The following TPH1 variants were observed in gnomAD, a reference collection of about 807,000 sequenced individuals.
TPH1 encodes the protein tryptophan hydroxylase 1, also known as tryptophan 5-hydroxylase 1.
TPH1 carries 37 observed loss-of-function variants against 49.5 expected under a neutral mutation model. That is an observed-to-expected ratio of 0.75 (90% CI 0.58 to 0.98). The LOEUF (loss-of-function observed/expected upper bound fraction) is 0.98. TPH1 is among the 50% of genes least tolerant of loss of function. TPH1 has a pLI of 0.00. For missense variants in TPH1, 487 were observed against 523.6 expected (o/e 0.93, Z 0.68); for synonymous variants, 160 against 182.1 (o/e 0.88, Z 0.98).
At chr11:18,033,897 T>G (rs1317937923) in intron 3 of TPH1, among the ~76,000 whole-genome samples, 1 of 152,146 alleles carries the variant, frequency 6.6e-6, no homozygotes, top group Non-Finnish European at 1.5e-5. Context: ...CCACTCCCAT[T>G]CCCTGCCCCA....
intron 7 of TPH1, among the ~76,000 whole-genome samples, 159 bp downstream of exon 7, chr11:18,026,331 A>G (rs1847928181): frequency 7.6e-6 from 1 of 132,288 alleles, no homozygotes; most frequent in South Asian, 2.4e-4. Flanking sequence ...TGGAACATGT[A>G]TTTCATGCCA....
intron 4 of TPH1, among the ~76,000 whole-genome samples, chr11:18,030,159 A>G (rs978837951): frequency 6.6e-6 from 1 of 152,186 alleles, no homozygotes; most frequent in African/African-American, 2.4e-5. Context: ...CTGTAATCTC[A>G]ACACTTTGGG....
chr11:18,041,360 T>C (rs1449367957), intron 1 of TPH1: 1 of 152,842 alleles, frequency 6.5e-6, no homozygotes, highest in African/African-American at 2.4e-5. Context: ...ACCAGAGATC[T>C]ACTTTGGTAT....
At chr11:18,028,452 G>T (rs1186871288) in intron 6 of TPH1, among the ~76,000 whole-genome samples, 1 of 152,070 alleles carries the variant, frequency 6.6e-6, no homozygotes, top group Non-Finnish European at 1.5e-5. Flanking sequence ...TCTATTCTAG[G>T]CCAAAAGCTT....
Position 18,020,208 on chromosome 11 carries a change from G to C in TPH1, c.*783C>G, listed in dbSNP as rs1213397898. The stretch of plus-strand genomic sequence containing the variant: ...CTTGGACCCATGAGTAGGATAGATA[G>C]TCCAGAATAAAACCAGTATCGTGTG... On this transcript the variant is annotated 3_prime_UTR_variant, in exon 11 of 11. Transcript: ENST00000682019. 1 of 155,150 alleles carries C rather than the reference G, an allele frequency of 6.4e-6. No individual in the cohort carries two copies. Among genetic ancestry groups the C allele is most frequent in the Non-Finnish European group, 1.4e-5 (1 of 70,048 alleles). The allele number at this position is 155,150 out of a possible 1,614,324, so 9.6% of individuals were successfully genotyped here. A position where few individuals can be genotyped will look rare whatever the true frequency, so the allele number is the denominator to read the frequency against.
At chr11:18,036,259 G>A in intron 2 of TPH1, 117 bp from the exon 3 acceptor site, 1 of 752,616 alleles carries the variant, frequency 1.3e-6, no homozygotes, top group Non-Finnish European at 2.2e-6. Flanking sequence ...ACAGCAAAGG[G>A]AAAAAGACTG....
In TPH1 at chr11:18,036,082, AT is replaced by A; in HGVS notation, c.177del (p.Glu59AspfsTer15). 6.2e-7 allele frequency: 1 copy of A among 1,613,410 alleles called. No homozygotes were observed. Among genetic ancestry groups the A allele is most frequent in the East Asian group, 2.2e-5 (1 of 44,812 alleles). On this transcript the variant is annotated frameshift_variant, in exon 3 of 11. Transcript: ENST00000682019. LOFTEE classifies it high-confidence loss of function. ...ESRKSKRRNSEFEIFVDCDIN... is the reference protein window; with the variant it reads ...ESRKSKRRNSXFEIFVDCDIN... The stretch of plus-strand genomic sequence containing the variant: ...ATGTCACAGTCAACAAAAATCTCAA[AT>A]TCTGAGTTTCTTCTTTTTGATTTTC...
intron 6 of TPH1, among the ~76,000 whole-genome samples, chr11:18,028,059 G>A (rs1353807574): frequency 6.6e-6 from 1 of 152,100 alleles, no homozygotes; most frequent in Non-Finnish European, 1.5e-5. Context: ...CTCCACTATG[G>A]TAATCTGCTG....
intron 1 of TPH1, among the ~76,000 whole-genome samples, 94 bp downstream of exon 1, chr11:18,046,147 G>A (rs1848139069): frequency 1.3e-5 from 2 of 152,178 alleles, no homozygotes; most frequent in African/African-American, 2.4e-5. Flanking sequence ...TTTACCTCCC[G>A]GGAGGGTGAC....
rs937940822 is a variant in TPH1 at position 18,018,416 on chromosome 11, C to G, written c.*2575G>C. ...GTGCAGTGGCTCACGCCTGTAATCC[C>G]AGCACTTTGGGAGGCCGAGGTGGGC... is the stretch of plus-strand genomic sequence containing the variant. On this transcript the variant is annotated 3_prime_UTR_variant, in exon 11 of 11. Coordinates refer to ENST00000682019, the MANE Select transcript of TPH1 (RefSeq NM_004179.3). 1.3e-5 allele frequency: 2 copies of G among 151,882 alleles called. No homozygotes were observed. The highest frequency in any genetic ancestry group is 3.9e-4 in the East Asian group (2 of 5,176). 9.4% of individuals were successfully genotyped at this position (151,882 alleles called of 1,614,324 possible).
At chr11:18,031,215 C>T (rs1209454426) in intron 4 of TPH1, among the ~76,000 whole-genome samples, 7 of 152,114 alleles carry the variant, frequency 4.6e-5, no homozygotes, top group Non-Finnish European at 8.8e-5. Flanking sequence ...AGGAATCATA[C>T]AATATGGGAC....
intron 10 of TPH1, among the ~76,000 whole-genome samples, chr11:18,021,541 A>C (rs58719050): frequency 0.026 from 4,001 of 152,234 alleles, 148 homozygotes; most frequent in African/African-American, 0.091. Context: ...TTTCATTACA[A>C]CACTTAACCA....
rs1194111800 is a variant in TPH1 at position 18,021,077 on chromosome 11, T to C, written c.1249A>G (p.Ile417Val). 1.2e-6 allele frequency: 2 copies of C among 1,614,056 alleles called. No homozygotes were observed. The highest frequency in any genetic ancestry group is 2.2e-5 in the East Asian group (1 of 44,890). The part of the protein sequence containing the change: ...SIQILKDTKS[I>V]TSAMNELQHD... ...TGCAGCTCATTCATGGCACTGGTTA[T>C]GCTCTTGGTGTCTTTCAGGATCTGA... Residue 417 changes from isoleucine (I) to valine (V), a missense_variant, in exon 11 of 11, where the codon ATA becomes GTA. Coordinates refer to ENST00000682019, the MANE Select transcript of TPH1 (RefSeq NM_004179.3).
chr11:18,032,639 A>G (rs963959442), intron 4 of TPH1, among the ~76,000 whole-genome samples: 5 of 132,824 alleles, frequency 3.8e-5, no homozygotes, highest in South Asian at 2.4e-4. Context: ...TCCACCTCCC[A>G]GGTTCACGCC....
chr11:18,026,006 C>G (rs1434284496), intron 7 of TPH1, among the ~76,000 whole-genome samples: 1 of 152,008 alleles, frequency 6.6e-6, no homozygotes, highest in African/African-American at 2.4e-5. Flanking sequence ...TCAGATATCA[C>G]CTTCTCAGCA....
At chr11:18,028,123 C>A (rs569404953) in intron 6 of TPH1, among the ~76,000 whole-genome samples, 21 of 152,110 alleles carry the variant, frequency 1.4e-4, no homozygotes, top group African/African-American at 5.1e-4. Flanking sequence ...TATTGTAAAC[C>A]CTTGAAGATA....
chr11:18,042,550 TG>T lies in TPH1; in HGVS notation c.-26-1763del, dbSNP rs372792881. 8.4e-5 allele frequency: 23 copies of T among 272,928 alleles called. No homozygotes were observed. The East Asian group carries it at 2.4e-3, about 28-fold the overall frequency. The allele number at this position is 272,928 out of a possible 1,614,324, so 16.9% of individuals were successfully genotyped here. ...CTTTATATGTATCAACCTCTTTATT[TG>T]CAAACTTGGAGGGAGGATAATTAAC... is the stretch of plus-strand genomic sequence containing the variant. On this transcript the variant is annotated intron_variant, in intron 1 of 10. Transcript: ENST00000682019.
At chr11:18,032,514 G>C (rs1039780617) in intron 4 of TPH1, among the ~76,000 whole-genome samples, 1 of 150,610 alleles carries the variant, frequency 6.6e-6, no homozygotes, top group Non-Finnish European at 1.5e-5. Context: ...CCAATATGGA[G>C]GTCTACTAAC....
At position 18,018,742 on chromosome 11, in the gene TPH1, G is replaced by A. The variant is rs1042428983; in HGVS notation, c.*2249C>T. On this transcript the variant is annotated 3_prime_UTR_variant, in exon 11 of 11. Coordinates refer to ENST00000682019, the MANE Select transcript of TPH1 (RefSeq NM_004179.3). ...TTCTGAAGTTGTGGATTATAAGGCTGTGCCTTTAACATTTATTCTCATGTG... is the reference window on the plus strand; with the variant it reads ...TTCTGAAGTTGTGGATTATAAGGCTATGCCTTTAACATTTATTCTCATGTG... 1 of 140,144 alleles carries A rather than the reference G, an allele frequency of 7.1e-6. No individual in the cohort carries two copies. Among genetic ancestry groups the A allele is most frequent in the Non-Finnish European group, 1.5e-5 (1 of 66,170 alleles). The allele number at this position is 140,144 out of a possible 1,614,324, so 8.7% of individuals were successfully genotyped here.
Sources: allele counts gnomAD v4.1 joint callset (sites outside exome capture counted in the v4.1 genomes callset), GRCh38; gene constraint gnomAD v4.1.1; transcripts MANE v1.5; gene names NCBI Gene and HGNC (gene_info 2026-07-23, HGNC 2026-07-21).